Variants in ANKMY2 observed in about 807,000 individuals in gnomAD.
ANKMY2 encodes ankyrin repeat and MYND domain containing 2, also known as ankyrin repeat and MYND domain-containing protein 2.
Under a neutral mutation model 50.4 loss-of-function variants are expected in ANKMY2, and 36 were observed. The observed-to-expected ratio is 0.71, with a 90% CI of 0.55 to 0.94. The LOEUF (loss-of-function observed/expected upper bound fraction) is 0.94, where lower values mean the gene tolerates loss of function less well. Ranked by LOEUF, ANKMY2 falls within the 40% of genes least tolerant of loss-of-function variation. ANKMY2 has a pLI of 0.00. For synonymous variants in ANKMY2, 187 were observed against 178.8 expected (o/e 1.05, Z -0.36); for missense variants, 565 against 524.0 (o/e 1.08, Z -0.76).
chr7:16,609,621 G>A lies in ANKMY2; in HGVS notation c.882+9C>T, dbSNP rs546103730. ...CTGATAGAGTCAACTTAGGTAAGAG[G>A]AGCCTTACAATTTCAACAGGAGCAA... is the stretch of plus-strand genomic sequence containing the variant. On this transcript the variant is annotated intron_variant, in intron 7 of 9. Transcript: ENST00000306999. 8.2e-6 allele frequency: 13 copies of A among 1,594,956 alleles called. No homozygotes were observed. The highest frequency in any genetic ancestry group is 6.8e-5 in the East Asian group (3 of 43,818).
intron 7 of ANKMY2, among the ~76,000 whole-genome samples, chr7:16,605,674 CTTTTT>C (rs11307797): frequency 3.4e-5 from 2 of 59,608 alleles, no homozygotes; most frequent in Non-Finnish European, 6.3e-5. Flanking sequence ...ATTTTTTGTA[CTTTTT>C]TTTTTTTTTT....
At chr7:16,619,089 T>C (rs1301242673) in intron 4 of ANKMY2, among the ~76,000 whole-genome samples, 2 of 152,054 alleles carry the variant, frequency 1.3e-5, no homozygotes, top group African/African-American at 4.8e-5. Context: ...TAGAAATATC[T>C]GTACATAAAA....
intron 2 of ANKMY2, among the ~76,000 whole-genome samples, chr7:16,633,243 T>C (rs1781612771): frequency 6.6e-6 from 1 of 152,106 alleles, no homozygotes; most frequent in South Asian, 2.1e-4. Context: ...ACAAAAGTTT[T>C]TAATTTTGAT....
chr7:16,607,822 C>G (rs1781185741), intron 7 of ANKMY2, among the ~76,000 whole-genome samples: 1 of 151,868 alleles, frequency 6.6e-6, no homozygotes, highest in Admixed American at 6.6e-5. Context: ...TCAATTCTCC[C>G]AGCTTCCTCA....
At chr7:16,621,517 G>C (rs1401964059) in intron 4 of ANKMY2, among the ~76,000 whole-genome samples, 3 of 151,922 alleles carry the variant, frequency 2.0e-5, no homozygotes, top group African/African-American at 7.3e-5. Context: ...TATATCTGGG[G>C]GGAAATGAAC....
At chr7:16,604,910 A>G in intron 7 of ANKMY2, 61 bp from the exon 8 acceptor site, 2 of 1,526,382 alleles carry the variant, frequency 1.3e-6, no homozygotes, top group Non-Finnish European at 1.8e-6. Flanking sequence ...AACACTACAG[A>G]GGTATCAGCC....
chr7:16,605,674 C>CTTTTT (rs11307797), intron 7 of ANKMY2, among the ~76,000 whole-genome samples: 1 of 59,608 alleles, frequency 1.7e-5, no homozygotes, highest in Non-Finnish European at 3.1e-5. Context: ...ATTTTTTGTA[C>CTTTTT]TTTTTTTTTT....
intron 3 of ANKMY2, 99 bp downstream of exon 3, chr7:16,626,941 T>C (rs765542733): frequency 1.3e-5 from 14 of 1,084,206 alleles, no homozygotes; most frequent in Non-Finnish European, 1.7e-5. Flanking sequence ...AACTTGACCA[T>C]AAAATTACTA....
intron 2 of ANKMY2, among the ~76,000 whole-genome samples, chr7:16,632,855 T>A (rs2128345793): frequency 6.6e-6 from 1 of 152,338 alleles, no homozygotes; most frequent in East Asian, 1.9e-4. Flanking sequence ...CTACACGATT[T>A]AACATTCCCA....
chr7:16,644,067 C>A (rs750560774), intron 1 of ANKMY2, among the ~76,000 whole-genome samples: 1 of 152,094 alleles, frequency 6.6e-6, no homozygotes, highest in Non-Finnish European at 1.5e-5. Context: ...CTCTGTCCTG[C>A]CTAAAAGAAT....
chr7:16,610,036 C>G (rs1781221752), intron 6 of ANKMY2, among the ~76,000 whole-genome samples: 1 of 152,092 alleles, frequency 6.6e-6, no homozygotes, highest in South Asian at 2.1e-4. Flanking sequence ...TACTTATTAC[C>G]ATGTCAGTTA....
intron 2 of ANKMY2, among the ~76,000 whole-genome samples, chr7:16,635,703 T>A (rs1486092219): frequency 2.6e-5 from 4 of 152,208 alleles, no homozygotes; most frequent in Non-Finnish European, 5.9e-5. Flanking sequence ...GAGTTTAGGT[T>A]CACTTAACTT....
chr7:16,609,540 ATAAATAT>A (rs1294593117), intron 7 of ANKMY2, 83 bp downstream of exon 7: 1 of 1,332,512 alleles, frequency 7.5e-7, no homozygotes, highest in African/African-American at 1.6e-5. Flanking sequence ...AATAATAAAA[ATAAATAT>A]TAAAGAGAAC....
chr7:16,637,886 T>C (rs1781689054), intron 1 of ANKMY2, among the ~76,000 whole-genome samples: 1 of 152,220 alleles, frequency 6.6e-6, no homozygotes, highest in South Asian at 2.1e-4. Flanking sequence ...ATTGTAAGCA[T>C]GTCAAAACCT....
chr7:16,637,718 C>A (rs1030479455), intron 1 of ANKMY2, among the ~76,000 whole-genome samples: 17 of 152,196 alleles, frequency 1.1e-4, no homozygotes, highest in Non-Finnish European at 2.4e-4. Flanking sequence ...TCTCAAAAAT[C>A]TTTATAGAAG....
intron 7 of ANKMY2, among the ~76,000 whole-genome samples, chr7:16,607,636 T>A (rs1199949287): frequency 2.0e-5 from 3 of 151,140 alleles, no homozygotes; most frequent in Admixed American, 6.6e-5. Context: ...TATATGGAGC[T>A]AGGATAACTT....
At chr7:16,638,303 T>G (rs1781697669) in intron 1 of ANKMY2, among the ~76,000 whole-genome samples, 1 of 152,264 alleles carries the variant, frequency 6.6e-6, no homozygotes, top group Admixed American at 6.5e-5. Flanking sequence ...CCTGTACTTC[T>G]GACTGGCTAT....
intron 1 of ANKMY2, chr7:16,644,825 G>T: frequency 2.4e-6 from 1 of 422,578 alleles, no homozygotes; most frequent in South Asian, 1.7e-5. Context: ...TGGGGGAGTG[G>T]ACAAGAAAGC....
At chr7:16,616,002 T>C (rs375346014) in intron 4 of ANKMY2, 98 bp from the exon 5 acceptor site, 1 of 1,144,588 alleles carries the variant, frequency 8.7e-7, no homozygotes, top group East Asian at 2.6e-5. Context: ...GATGTAAACA[T>C]GCACCAATAT....
Sources: gnomAD v4.1 joint callset for allele counts (sites outside exome capture counted in the v4.1 genomes callset) on GRCh38, gnomAD v4.1.1 for gene constraint, MANE v1.5 for transcripts, NCBI Gene and HGNC (gene_info 2026-07-23, HGNC 2026-07-21) for gene names.